CACUL1: variants seen among roughly 807,000 people sequenced by gnomAD.
The protein encoded by CACUL1 is CDK2 associated cullin domain 1.
CACUL1 carries 13 observed loss-of-function variants against 45.2 expected under a neutral mutation model. The observed-to-expected ratio is 0.29, with a 90% CI of 0.19 to 0.46. CACUL1 has a LOEUF of 0.46. Ranked by LOEUF, CACUL1 falls within the 20% of genes least tolerant of loss-of-function variation. CACUL1 has a pLI of 1.00. For synonymous variants in CACUL1, 197 were observed against 174.2 expected, an observed-to-expected ratio of 1.13 and a Z score of -1.03; for missense variants, 421 against 471.4, an observed-to-expected ratio of 0.89 and a Z score of 0.99.
At chr10:118,733,232 AC>A (rs1845713205) in intron 1 of CACUL1, among the ~76,000 whole-genome samples, 1 of 152,220 alleles carries the variant, frequency 6.6e-6, no homozygotes. Flanking sequence ...AGAAACAGTG[AC>A]TGCTGATGCT....
At chr10:118,719,247 C>T (rs1346385518) in intron 3 of CACUL1, among the ~76,000 whole-genome samples, 2 of 152,126 alleles carry the variant, frequency 1.3e-5, no homozygotes, top group African/African-American at 2.4e-5. Context: ...ATAAGTACAA[C>T]GTTGGCATTT....
chr10:118,688,086 G>A (rs1480073987), intron 7 of CACUL1, among the ~76,000 whole-genome samples: 1 of 152,158 alleles, frequency 6.6e-6, no homozygotes, highest in Non-Finnish European at 1.5e-5. Context: ...TGGTTATGTT[G>A]AGGACCAGGG....
At chr10:118,723,050 C>T (rs1399306612) in intron 3 of CACUL1, among the ~76,000 whole-genome samples, 1 of 152,168 alleles carries the variant, frequency 6.6e-6, no homozygotes, top group Non-Finnish European at 1.5e-5. Flanking sequence ...TAGCCCTGAT[C>T]CACAAGGAAC....
chr10:118,694,926 G>T, intron 6 of CACUL1: 1 of 401,844 alleles, frequency 2.5e-6, no homozygotes, highest in Non-Finnish European at 4.7e-6. Context: ...TCCCTCACAG[G>T]TTCTGCAAAA....
At chr10:118,694,246 G>A (rs573740296) in intron 6 of CACUL1, among the ~76,000 whole-genome samples, 16 of 152,226 alleles carry the variant, frequency 1.1e-4, no homozygotes, top group African/African-American at 2.9e-4. Flanking sequence ...CTGACAGGTC[G>A]TTTAATTAAG....
At chr10:118,693,668 A>G (rs1406971809) in intron 6 of CACUL1, 8 of 453,298 alleles carry the variant, frequency 1.8e-5, no homozygotes, top group Non-Finnish European at 3.1e-5. Context: ...GATGCTTTCA[A>G]AGGAAAAAAA....
At chr10:118,754,296 G>A in intron 1 of CACUL1, 100 bp downstream of exon 1, 1 of 1,422,058 alleles carries the variant, frequency 7.0e-7, no homozygotes, top group Non-Finnish European at 9.2e-7. Flanking sequence ...AAAGACCGAG[G>A]CCTGAAACAA....
At chr10:118,702,250 T>G (rs1302008750) in intron 4 of CACUL1, among the ~76,000 whole-genome samples, 5 of 152,184 alleles carry the variant, frequency 3.3e-5, no homozygotes, top group Admixed American at 6.5e-5. Context: ...CTCCCTTCGC[T>G]GATTCTTTTC....
At chr10:118,715,828 T>G (rs1845537235) in intron 3 of CACUL1, among the ~76,000 whole-genome samples, 1 of 152,114 alleles carries the variant, frequency 6.6e-6, no homozygotes, top group South Asian at 2.1e-4. Flanking sequence ...TAGAATGAAG[T>G]AGACAAGAAG....
intron 3 of CACUL1, chr10:118,726,448 A>C (rs552382377): frequency 1.6e-4 from 85 of 517,108 alleles, no homozygotes; most frequent in African/African-American, 1.6e-3. Context: ...CCTCCCCCTC[A>C]AGGAAGGGCC....
chr10:118,695,461 G>A (rs1326886135), intron 5 of CACUL1, among the ~76,000 whole-genome samples: 1 of 152,112 alleles, frequency 6.6e-6, no homozygotes, highest in Non-Finnish European at 1.5e-5. Context: ...ATTCATGAAG[G>A]TTCTGAAAAG....
intron 1 of CACUL1, among the ~76,000 whole-genome samples, chr10:118,753,522 C>T (rs980101193): frequency 6.6e-6 from 1 of 152,218 alleles, no homozygotes; most frequent in Non-Finnish European, 1.5e-5. Context: ...CCACCACCAC[C>T]GCCACGCACA....
At position 118,754,769 on chromosome 10, in the gene CACUL1, G is replaced by A. The variant is rs1845940610; in HGVS notation, c.-7C>T. 1 of 1,549,222 alleles carries A rather than the reference G, an allele frequency of 6.5e-7. No individual in the cohort carries two copies. Among genetic ancestry groups the A allele is most frequent in the South Asian group, 1.2e-5 (1 of 81,916 alleles). Reference sequence around the variant, plus strand: ...CTTCCATGCTTTCCTCCATCCTGCTGGCCCCCGGCACCCGCCCGCCTCACA... The same window carrying A: ...CTTCCATGCTTTCCTCCATCCTGCTAGCCCCCGGCACCCGCCCGCCTCACA... On this transcript the variant is annotated 5_prime_UTR_variant, in exon 1 of 9. Coordinates refer to ENST00000369151, the MANE Select transcript of CACUL1 (RefSeq NM_153810.5).
chr10:118,744,341 G>A (rs1365578862), intron 1 of CACUL1, among the ~76,000 whole-genome samples: 4 of 152,016 alleles, frequency 2.6e-5, no homozygotes, highest in Non-Finnish European at 5.9e-5. Flanking sequence ...AGCTGAGATC[G>A]CGCCATTGCA....
chr10:118,683,677 A>G lies in CACUL1; in HGVS notation c.*2451T>C, dbSNP rs930095558. The G allele has an allele frequency of 5.3e-5, 8 of 152,178 alleles. No homozygotes were observed. Among genetic ancestry groups the G allele is most frequent in the African/African-American group, 1.9e-4 (8 of 41,430 alleles). The allele number at this position is 152,178 out of a possible 1,614,324, so 9.4% of individuals were successfully genotyped here. ...ACCACTGCACTCCAGCCTGGGTGAG[A>G]GAGTGAGACTCCATCTCAAAAACAA... is the stretch of plus-strand genomic sequence containing the variant. On this transcript the variant is annotated 3_prime_UTR_variant, in exon 9 of 9. Coordinates refer to ENST00000369151, the MANE Select transcript of CACUL1 (RefSeq NM_153810.5).
intron 1 of CACUL1, among the ~76,000 whole-genome samples, chr10:118,751,381 T>C (rs1845896814): frequency 6.6e-6 from 1 of 152,244 alleles, no homozygotes; most frequent in Admixed American, 6.5e-5. Context: ...CATTTAGGTC[T>C]TTAATTCATT....
At chr10:118,686,218 A>T (rs748117169) in intron 8 of CACUL1, 50 bp from the exon 9 acceptor site, 5 of 1,430,172 alleles carry the variant, frequency 3.5e-6, no homozygotes, top group Middle Eastern at 1.7e-4. Flanking sequence ...ACAGCATTTG[A>T]TAACAGCAGG....
chr10:118,703,463 T>G (rs1845404145), intron 4 of CACUL1, among the ~76,000 whole-genome samples: 1 of 152,204 alleles, frequency 6.6e-6, no homozygotes. Context: ...CATAAATTAT[T>G]TAAATAATAG....
intron 3 of CACUL1, among the ~76,000 whole-genome samples, chr10:118,719,746 G>A (rs929226684): frequency 6.6e-6 from 1 of 152,068 alleles, no homozygotes; most frequent in Non-Finnish European, 1.5e-5. Context: ...TGGAGGCGGA[G>A]GTTGCGGTGA....
Sources: gnomAD v4.1 joint callset for allele counts (sites outside exome capture counted in the v4.1 genomes callset) on GRCh38, gnomAD v4.1.1 for gene constraint, MANE v1.5 for transcripts, NCBI Gene and HGNC (gene_info 2026-07-23, HGNC 2026-07-21) for gene names.